WDR1: variants seen among roughly 807,000 people sequenced by gnomAD.
WDR1 encodes the protein WD repeat-containing protein 1.
In WDR1, 21 loss-of-function variants were observed where a neutral mutation model predicts 71.9. The observed-to-expected ratio is 0.29, with a 90% CI of 0.21 to 0.42. The LOEUF is 0.42. Among genes scored for constraint, WDR1 ranks in the 10% least tolerant of loss-of-function variants. The pLI is 1.00. For missense variants in WDR1, 696 were observed against 824.5 expected (o/e 0.84, Z 1.91); for synonymous variants, 424 against 347.4 (o/e 1.22, Z -2.45).
At chr4:10,103,158 C>A (rs1306077292) in intron 3 of WDR1, among the ~76,000 whole-genome samples, 3 of 152,180 alleles carry the variant, frequency 2.0e-5, no homozygotes, top group Non-Finnish European at 2.9e-5. Context: ...AGAGCAAAGG[C>A]CCAGTGTACA....
chr4:10,106,164 A>G (rs1205168281), intron 2 of WDR1, among the ~76,000 whole-genome samples: 1 of 152,168 alleles, frequency 6.6e-6, no homozygotes, highest in African/African-American at 2.4e-5. Context: ...CTGTCATGAC[A>G]GGGGTGGTGC....
intron 5 of WDR1, among the ~76,000 whole-genome samples, chr4:10,090,299 G>A (rs1023805498): frequency 6.6e-6 from 1 of 152,196 alleles, no homozygotes; most frequent in African/African-American, 2.4e-5. Context: ...AAGGTGAGCT[G>A]TGCCCATTTC....
At chr4:10,103,802 CA>C in intron 3 of WDR1, 93 bp downstream of exon 3, 1 of 710,064 alleles carries the variant, frequency 1.4e-6, no homozygotes, top group East Asian at 3.7e-5. Flanking sequence ...TCCCTCCTCC[CA>C]CTCTCCCAAG....
chr4:10,101,182 G>A (rs187940725), intron 3 of WDR1, among the ~76,000 whole-genome samples: 1 of 152,166 alleles, frequency 6.6e-6, no homozygotes, highest in East Asian at 1.9e-4. Flanking sequence ...GCCTGCCCCC[G>A]AAATGACCTG....
intron 2 of WDR1, among the ~76,000 whole-genome samples, chr4:10,111,237 C>T (rs964574411): frequency 6.6e-6 from 1 of 152,200 alleles, no homozygotes; most frequent in African/African-American, 2.4e-5. Context: ...CACACCAGCA[C>T]TTCTCAGCCT....
intron 4 of WDR1, 42 bp from the exon 5 acceptor site, chr4:10,097,933 A>AG: frequency 1.3e-6 from 2 of 1,500,294 alleles, no homozygotes; most frequent in Non-Finnish European, 1.8e-6. Flanking sequence ...AAAAAAAAAA[A>AG]AAATCAATCC....
chr4:10,105,337 A>G (rs1712952586), intron 2 of WDR1, among the ~76,000 whole-genome samples: 1 of 152,172 alleles, frequency 6.6e-6, no homozygotes, highest in African/African-American at 2.4e-5. Flanking sequence ...TTTGGGGGAG[A>G]AAAAAAGAAG....
rs374215004 is a variant in WDR1 at position 10,077,919 on chromosome 4, T to C, written c.1403A>G (p.Asn468Ser). 8.7e-6 allele frequency: 14 copies of C among 1,605,644 alleles called. No homozygotes were observed. The highest frequency in any genetic ancestry group is 6.7e-5 in the East Asian group (3 of 44,596). Residue 468 changes from asparagine to serine, a missense_variant, in exon 13 of 15, where the codon AAC (asparagine) becomes AGC (serine). Physicochemically the swap from Asn to Ser is conservative, Grantham distance 46. Transcript: ENST00000499869. Reference protein sequence around the residue: ...DTVAIGGVDGNVRLYSILGTT... With the variant: ...DTVAIGGVDGSVRLYSILGTT... Reference sequence around the variant, plus strand: ...GCCCAGGATGGAATACAGGCGGACGTTGCCGTCCTACGGCAGGGACAGAGA... The same window carrying C: ...GCCCAGGATGGAATACAGGCGGACGCTGCCGTCCTACGGCAGGGACAGAGA...
At chr4:10,095,163 A>C (rs1258668880) in intron 5 of WDR1, among the ~76,000 whole-genome samples, 1 of 152,204 alleles carries the variant, frequency 6.6e-6, no homozygotes, top group Non-Finnish European at 1.5e-5. Flanking sequence ...GGCGGCAGGC[A>C]AGGCCACCAA....
At position 10,083,084 on chromosome 4, in the gene WDR1, C is replaced by G. The variant is rs1202467197; in HGVS notation, c.1134G>C (p.Gln378His). 1.2e-6 allele frequency: 2 copies of G among 1,613,806 alleles called. No individual in the cohort carries two copies. The highest frequency in any genetic ancestry group is 2.2e-5 in the East Asian group (1 of 44,892). Residue 378 changes from glutamine (Q) to histidine (H), a missense_variant, in exon 10 of 15, where the codon CAG becomes CAC. Gln to His is a conservative substitution (Grantham distance 24). Coordinates refer to ENST00000499869, the MANE Select transcript of WDR1 (RefSeq NM_017491.5). Reference sequence around the variant, plus strand: ...TGTCGTCCATGCTGCAGCTGATGAGCTGCCCCGACTCATCCACGGTCATCC... The same window carrying G: ...TGTCGTCCATGCTGCAGCTGATGAGGTGCCCCGACTCATCCACGGTCATCC... ...VSRMTVDESGQLISCSMDDTV... is the reference protein window; with the variant it reads ...VSRMTVDESGHLISCSMDDTV...
chr4:10,107,523 C>A (rs1451642241), intron 2 of WDR1, among the ~76,000 whole-genome samples: 2 of 152,232 alleles, frequency 1.3e-5, no homozygotes, highest in Non-Finnish European at 2.9e-5. Context: ...GCCGCCCTGA[C>A]GTTGCCAGCC....
chr4:10,088,076 C>A, intron 7 of WDR1, 136 bp from the exon 8 acceptor site: 2 of 932,606 alleles, frequency 2.1e-6, no homozygotes, highest in Non-Finnish European at 3.2e-6. Flanking sequence ...TGAGTGAGGC[C>A]AAGGACAACA....
chr4:10,108,591 G>C (rs1463319363), intron 2 of WDR1, among the ~76,000 whole-genome samples: 2 of 152,194 alleles, frequency 1.3e-5, no homozygotes, highest in African/African-American at 4.8e-5. Context: ...GTTCCTGCAA[G>C]CAACAGAGGC....
rs777074447 is a variant in WDR1 at position 10,088,014 on chromosome 4, C to T, written c.718-74G>A. ...AGAGAGACCCCAAAAAGCAGCTTGT[C>T]CACTGCGACTGTTTGAGTAGGACAG... is the stretch of plus-strand genomic sequence containing the variant. On this transcript the variant is annotated intron_variant, in intron 7 of 14. Coordinates refer to ENST00000499869, the MANE Select transcript of WDR1 (RefSeq NM_017491.5). The T allele has an allele frequency of 3.6e-4, 498 of 1,375,964 alleles. 1 individual carries two copies. The highest frequency in any genetic ancestry group is 4.1e-4 in the Non-Finnish European group (419 of 1,011,112). 85.2% of individuals were successfully genotyped at this position (1,375,964 alleles called of 1,614,324 possible). A position where few individuals can be genotyped will look rare whatever the true frequency, so the allele number is the denominator to read the frequency against.
intron 5 of WDR1, chr4:10,095,822 G>A (rs3796820): frequency 0.066 from 10,073 of 152,336 alleles, 500 homozygotes; most frequent in Admixed American, 0.15. Flanking sequence ...TGACTCACCC[G>A]AGGGGGGCAC....
intron 11 of WDR1, among the ~76,000 whole-genome samples, chr4:10,080,294 C>CA (rs2080859696): frequency 6.6e-6 from 1 of 152,194 alleles, no homozygotes; most frequent in South Asian, 2.1e-4. Context: ...CTCATCCCCT[C>CA]ACCCACAAAG....
In WDR1 at chr4:10,099,096, C is replaced by A; in HGVS notation, c.273G>T (p.Glu91Asp). 6.2e-7 allele frequency: 1 copy of A among 1,613,312 alleles called. No individual in the cohort carries two copies. Among genetic ancestry groups the A allele is most frequent in the Non-Finnish European group, 8.5e-7 (1 of 1,179,618 alleles). ...KLRIWDTTQK[E>D]HLLKYEYQPF... ...GCTGGTACTCATACTTCAACAGGTG[C>A]TCCTTCTGCGTGGTATCCCAGATCC... The change falls in exon 4 of 15, where the codon GAG becomes GAT. Residue 91 changes from glutamate (E) to aspartate (D), a missense_variant. Transcript: ENST00000499869.
intron 2 of WDR1, among the ~76,000 whole-genome samples, chr4:10,107,231 G>A (rs1259911621): frequency 6.6e-6 from 1 of 152,142 alleles, no homozygotes; most frequent in Non-Finnish European, 1.5e-5. Context: ...GCTGCTGCAG[G>A]CTGGGCCAGC....
At chr4:10,116,461 T>C (rs1486266167) in intron 1 of WDR1, 190 bp downstream of exon 1, 7 of 743,396 alleles carry the variant, frequency 9.4e-6, no homozygotes, top group African/African-American at 1.9e-5. Flanking sequence ...CGGCGCCAAC[T>C]TGGGGGCGCA....
Sources: allele counts gnomAD v4.1 joint callset (sites outside exome capture counted in the v4.1 genomes callset), GRCh38; gene constraint gnomAD v4.1.1; transcripts MANE v1.5; gene names NCBI Gene and HGNC (gene_info 2026-07-23, HGNC 2026-07-21).